TTC29: variants seen among roughly 807,000 people sequenced by gnomAD.
TTC29 encodes tetratricopeptide repeat domain 29.
A neutral mutation model predicts 58.1 loss-of-function variants in TTC29; 49 were observed. The ratio of observed to expected loss-of-function variants is 0.84; its 90% CI spans 0.67 to 1.07. The LOEUF is 1.07. TTC29 is among the 50% of genes least tolerant of loss of function. The pLI is 0.00. For missense variants in TTC29, 582 were observed against 555.6 expected, an observed-to-expected ratio of 1.05 and a Z score of -0.48; for synonymous variants, 209 against 196.8, an observed-to-expected ratio of 1.06 and a Z score of -0.52.
At chr4:146,821,278 G>A (rs1751802200) in intron 9 of TTC29, among the ~76,000 whole-genome samples, 1 of 152,096 alleles carries the variant, frequency 6.6e-6, no homozygotes, top group South Asian at 2.1e-4. Context: ...TTAGATAGCG[G>A]CCATGGTTGC....
chr4:146,833,929 T>A (rs765778835), intron 8 of TTC29, 32 bp from the exon 9 acceptor site: 1 of 1,444,936 alleles, frequency 6.9e-7, no homozygotes, highest in Non-Finnish European at 9.7e-7. Context: ...ATTGAACATA[T>A]AGCACAGCCA....
intron 11 of TTC29, 22 bp from the exon 12 acceptor site, chr4:146,707,573 T>C: frequency 3.3e-6 from 5 of 1,515,394 alleles, no homozygotes; most frequent in Non-Finnish European, 4.5e-6. Flanking sequence ...ATACACAAAG[T>C]TAATAGATTA....
At chr4:146,749,632 T>C (rs1284144124) in intron 11 of TTC29, among the ~76,000 whole-genome samples, 6 of 152,118 alleles carry the variant, frequency 3.9e-5, no homozygotes, top group Non-Finnish European at 7.4e-5. Context: ...AATCAAATAA[T>C]GGGTTGGTAA....
rs1355811123 is a variant in TTC29, at chr4:146,833,408, TGACTGAA to T, written c.977+391_977+397del. On this transcript the variant is annotated intron_variant, in intron 9 of 12. Coordinates refer to ENST00000325106, the MANE Select transcript of TTC29 (RefSeq NM_031956.4). ...GGAGAGATGTCTTAATGGAAAAGCA[TGACTGAA>T]GCATAAATGGAAACTTTCCTCAAAG... 5.3e-5 allele frequency among the ~76,000 whole-genome samples: 8 copies of T among 152,348 alleles called. No individual in the cohort carries two copies. In the East Asian group the frequency reaches 1.5e-3, roughly 29 times the overall value.
At chr4:146,872,376 A>C (rs1331429612) in intron 7 of TTC29, among the ~76,000 whole-genome samples, 2 of 152,240 alleles carry the variant, frequency 1.3e-5, no homozygotes, top group South Asian at 2.1e-4. Flanking sequence ...ACAGCAAAAG[A>C]AAAACTAGAC....
intron 11 of TTC29, among the ~76,000 whole-genome samples, chr4:146,738,129 T>C (rs970788744): frequency 2.6e-5 from 4 of 152,216 alleles, no homozygotes; most frequent in Non-Finnish European, 5.9e-5. Flanking sequence ...CGGTCTAGTA[T>C]TGCTCCCAGC....
At chr4:146,925,819 G>A (rs1013503166) in intron 4 of TTC29, among the ~76,000 whole-genome samples, 1 of 152,060 alleles carries the variant, frequency 6.6e-6, no homozygotes. Context: ...CTGGATCCAG[G>A]GTAGTCCTGG....
intron 4 of TTC29, among the ~76,000 whole-genome samples, chr4:146,930,472 A>T (rs1445039483): frequency 6.6e-6 from 1 of 152,128 alleles, no homozygotes; most frequent in Non-Finnish European, 1.5e-5. Context: ...AGTTCTTGTG[A>T]ATCCATAACT....
intron 11 of TTC29, among the ~76,000 whole-genome samples, chr4:146,785,223 G>A (rs951018693): frequency 9.0e-5 from 12 of 133,970 alleles, no homozygotes; most frequent in East Asian, 4.3e-4. Flanking sequence ...ACGGAGTTTC[G>A]CTCTTGTTGC....
intron 6 of TTC29, among the ~76,000 whole-genome samples, chr4:146,883,169 C>T (rs888901515): frequency 3.3e-5 from 5 of 152,036 alleles, no homozygotes; most frequent in Admixed American, 2.0e-4. Context: ...AAGTATTTAA[C>T]TTCAAAGCCA....
intron 8 of TTC29, among the ~76,000 whole-genome samples, chr4:146,840,738 G>A (rs1166791778): frequency 1.3e-5 from 2 of 152,028 alleles, no homozygotes; most frequent in African/African-American, 4.8e-5. Flanking sequence ...AACTACAAAG[G>A]AATACAACCA....
rs1561066862 is a variant in TTC29, at chr4:146,728,860, C to CACATATATATGTGTATATATACAT, written c.1331-21310_1331-21309insATGTATATATACACATATATATGT. The stretch of plus-strand genomic sequence containing the variant: ...ACACATATATATGTATATATATACA[C>CACATATATATGTGTATATATACAT]ATATATATGTGTGTGTATATATATA... On this transcript the variant is annotated intron_variant, in intron 11 of 12. Coordinates refer to ENST00000325106, the MANE Select transcript of TTC29 (RefSeq NM_031956.4). Among the ~76,000 whole-genome samples the CACATATATATGTGTATATATACAT allele has an allele frequency of 6.4e-5, 4 of 62,026 alleles. 1 individual carries two copies. The highest frequency in any genetic ancestry group is 1.1e-4 in the Non-Finnish European group (3 of 27,124). 40.7% of individuals were successfully genotyped at this position (62,026 alleles called of 152,430 possible).
intron 4 of TTC29, among the ~76,000 whole-genome samples, chr4:146,913,647 C>A (rs754330089): frequency 6.6e-6 from 1 of 152,130 alleles, no homozygotes; most frequent in Non-Finnish European, 1.5e-5. Flanking sequence ...TGACAAGATT[C>A]TCTCGTAGTT....
Position 146,708,341 on chromosome 4 carries a change from T to TATGTATATATATATATATATATATAC in TTC29, c.1331-791_1331-790insGTATATATATATATATATATATACAT, listed in dbSNP as rs1742190153. On this transcript the variant is annotated intron_variant, in intron 11 of 12. Transcript: ENST00000325106. ...ATATATATATATATATATATATATA[T>TATGTATATATATATATATATATATAC]ATATATATATATATACACATGTATG... Among the ~76,000 whole-genome samples the TATGTATATATATATATATATATATAC allele has an allele frequency of 1.3e-4, 8 of 62,858 alleles. No homozygotes were observed. In the East Asian group the frequency reaches 3.8e-3, roughly 30 times the overall value. The allele number at this position is 62,858 out of a possible 152,430, so 41.2% of individuals were successfully genotyped here. A position where few individuals can be genotyped will look rare whatever the true frequency, so the allele number is the denominator to read the frequency against.
intron 11 of TTC29, among the ~76,000 whole-genome samples, chr4:146,782,875 A>G (rs1748725421): frequency 6.6e-6 from 1 of 152,058 alleles, no homozygotes; most frequent in Non-Finnish European, 1.5e-5. Context: ...TAATCATCAA[A>G]TAAGCGTCAG....
At chr4:146,814,241 A>G (rs916452445) in intron 10 of TTC29, among the ~76,000 whole-genome samples, 3 of 152,172 alleles carry the variant, frequency 2.0e-5, no homozygotes, top group Admixed American at 2.0e-4. Context: ...AACATGAACA[A>G]GAAAACTATG....
At chr4:146,787,870 G>A (rs1314091013) in intron 11 of TTC29, among the ~76,000 whole-genome samples, 1 of 149,428 alleles carries the variant, frequency 6.7e-6, no homozygotes. Context: ...CCCTCCTCCT[G>A]TCGGTCACCA....
chr4:146,871,127 T>C (rs1454095027), intron 7 of TTC29, among the ~76,000 whole-genome samples: 1 of 151,890 alleles, frequency 6.6e-6, no homozygotes, highest in Non-Finnish European at 1.5e-5. Context: ...ATAAGAAGGA[T>C]TATACACCAC....
intron 11 of TTC29, among the ~76,000 whole-genome samples, chr4:146,708,353 T>TATATATAC (rs1742204852): frequency 1.5e-4 from 3 of 19,802 alleles, no homozygotes; most frequent in African/African-American, 2.7e-4. Context: ...TATATATATA[T>TATATATAC]ATACACATGT....
Sources: gnomAD v4.1 joint callset for allele counts (sites outside exome capture counted in the v4.1 genomes callset) on GRCh38, gnomAD v4.1.1 for gene constraint, MANE v1.5 for transcripts, NCBI Gene and HGNC (gene_info 2026-07-23, HGNC 2026-07-21) for gene names.